Variants in SLC8A1 observed in about 807,000 individuals in gnomAD.
The protein encoded by SLC8A1 is solute carrier family 8 member A1.
SLC8A1 carries 18 observed loss-of-function variants against 68.3 expected under a neutral mutation model. That is an observed-to-expected ratio of 0.26 (90% CI 0.18 to 0.39). The LOEUF (loss-of-function observed/expected upper bound fraction) is 0.39, where lower values mean the gene tolerates loss of function less well. Ranked by LOEUF, SLC8A1 falls within the 10% of genes least tolerant of loss-of-function variation. The pLI is 1.00. For synonymous variants in SLC8A1, 475 were observed against 415.5 expected (o/e 1.14, Z -1.74); for missense variants, 985 against 1,156.7 (o/e 0.85, Z 2.15).
chr2:40,346,865 G>C (rs944290473), intron 2 of SLC8A1, among the ~76,000 whole-genome samples: 1 of 152,120 alleles, frequency 6.6e-6, no homozygotes, highest in African/African-American at 2.4e-5. Flanking sequence ...TTTTCAGCCA[G>C]CATCTGTCTG....
chr2:40,319,383 G>C (rs2074906874), intron 2 of SLC8A1, among the ~76,000 whole-genome samples: 1 of 152,012 alleles, frequency 6.6e-6, no homozygotes, highest in South Asian at 2.1e-4. Context: ...AATATCATCA[G>C]GGTTTTTAGT....
intron 2 of SLC8A1, among the ~76,000 whole-genome samples, chr2:40,221,115 C>G (rs552009045): frequency 6.6e-6 from 1 of 152,198 alleles, no homozygotes; most frequent in East Asian, 1.9e-4. Flanking sequence ...TGATGAACAT[C>G]GATGTGAAAA....
intron 2 of SLC8A1, among the ~76,000 whole-genome samples, chr2:40,388,252 A>G (rs1450043009): frequency 6.6e-6 from 1 of 152,170 alleles, no homozygotes; most frequent in African/African-American, 2.4e-5. Flanking sequence ...GCTACAAAAT[A>G]TAGAAACCAT....
chr2:40,478,477 A>T (rs1333420963), intron 1 of SLC8A1, among the ~76,000 whole-genome samples: 1 of 152,214 alleles, frequency 6.6e-6, no homozygotes, highest in East Asian at 1.9e-4. Flanking sequence ...TATTTAAAAA[A>T]TAACTATTTA....
At chr2:40,271,062 A>G (rs145984386) in intron 2 of SLC8A1, among the ~76,000 whole-genome samples, 35 of 152,108 alleles carry the variant, frequency 2.3e-4, no homozygotes, top group Non-Finnish European at 4.1e-4. Context: ...TCCTCAGGCT[A>G]TTTTCCACAC....
intron 2 of SLC8A1, among the ~76,000 whole-genome samples, chr2:40,347,742 T>C (rs1199712180): frequency 6.6e-6 from 1 of 152,230 alleles, no homozygotes; most frequent in African/African-American, 2.4e-5. Flanking sequence ...TTTATGACTC[T>C]TGAAACAAAC....
chr2:40,237,475 T>C (rs1036082723), intron 2 of SLC8A1, among the ~76,000 whole-genome samples: 2 of 152,172 alleles, frequency 1.3e-5, no homozygotes, highest in African/African-American at 4.8e-5. Flanking sequence ...TAAGCATTTC[T>C]CTGTATTGGT....
chr2:40,316,789 T>C (rs1426223864), intron 2 of SLC8A1, among the ~76,000 whole-genome samples: 1 of 152,014 alleles, frequency 6.6e-6, no homozygotes, highest in Non-Finnish European at 1.5e-5. Context: ...TTTATCTCAA[T>C]ACATTACCCA....
At chr2:40,333,179 C>T (rs1490552723) in intron 2 of SLC8A1, among the ~76,000 whole-genome samples, 2 of 152,148 alleles carry the variant, frequency 1.3e-5, no homozygotes, top group African/African-American at 4.8e-5. Context: ...TGGCTCACGC[C>T]TATAATCCCA....
At chr2:40,197,225 C>T (rs774657265) in intron 2 of SLC8A1, among the ~76,000 whole-genome samples, 3 of 152,108 alleles carry the variant, frequency 2.0e-5, no homozygotes, top group Non-Finnish European at 2.9e-5. Flanking sequence ...TGATATCCCT[C>T]CTGATAAATT....
At chr2:40,505,458 A>AAT (rs1364763728) in intron 1 of SLC8A1, among the ~76,000 whole-genome samples, 2 of 151,870 alleles carry the variant, frequency 1.3e-5, no homozygotes, top group East Asian at 3.9e-4. Flanking sequence ...GTACCCCATA[A>AAT]ATATATATAC....
intron 2 of SLC8A1, among the ~76,000 whole-genome samples, chr2:40,387,474 A>G (rs897099516): frequency 1.3e-5 from 2 of 151,428 alleles, no homozygotes; most frequent in African/African-American, 4.9e-5. Flanking sequence ...GAAACCAGAT[A>G]CAAAACATCG....
intron 1 of SLC8A1, among the ~76,000 whole-genome samples, chr2:40,433,579 A>T (rs1049162464): frequency 6.6e-6 from 1 of 152,178 alleles, no homozygotes; most frequent in African/African-American, 2.4e-5. Flanking sequence ...GCACCCCTGG[A>T]GATGTGCAAT....
intron 2 of SLC8A1, among the ~76,000 whole-genome samples, chr2:40,408,720 T>C (rs1230949256): frequency 8.5e-5 from 13 of 152,184 alleles, no homozygotes; most frequent in African/African-American, 2.9e-4. Flanking sequence ...GAAAGACCTG[T>C]ATTTCGAAGG....
At chr2:40,205,844 C>A (rs1051530103) in intron 2 of SLC8A1, among the ~76,000 whole-genome samples, 10 of 147,396 alleles carry the variant, frequency 6.8e-5, no homozygotes, top group African/African-American at 2.5e-4. Flanking sequence ...AAAAAGTCTT[C>A]TCCTAAATTT....
At chr2:40,361,435 A>G (rs949000515) in intron 2 of SLC8A1, among the ~76,000 whole-genome samples, 3 of 150,560 alleles carry the variant, frequency 2.0e-5, no homozygotes, top group African/African-American at 4.9e-5. Context: ...TAAAATTGTT[A>G]TGCACATTAG....
intron 2 of SLC8A1, among the ~76,000 whole-genome samples, chr2:40,271,579 T>G (rs567746498): frequency 6.6e-6 from 1 of 152,342 alleles, no homozygotes; most frequent in East Asian, 1.9e-4. Context: ...ATTTTCCACG[T>G]TGATTATTTG....
intron 2 of SLC8A1, among the ~76,000 whole-genome samples, chr2:40,200,234 A>T (rs1573963838): frequency 5.9e-5 from 2 of 33,742 alleles, no homozygotes; most frequent in African/African-American, 8.7e-5. Context: ...TTATATATAT[A>T]TATAAATATA....
At chr2:40,359,169 T>C (rs1673734636) in intron 2 of SLC8A1, among the ~76,000 whole-genome samples, 1 of 152,112 alleles carries the variant, frequency 6.6e-6, no homozygotes. Flanking sequence ...GTTCAAAATA[T>C]ATGGGCTGTA....
Sources: gnomAD v4.1 joint callset for allele counts (sites outside exome capture counted in the v4.1 genomes callset) on GRCh38, gnomAD v4.1.1 for gene constraint, MANE v1.5 for transcripts, NCBI Gene and HGNC (gene_info 2026-07-23, HGNC 2026-07-21) for gene names.